The following SNX29 variants were observed in gnomAD, a reference collection of about 807,000 sequenced individuals.
SNX29 encodes sorting nexin-29.
A neutral mutation model predicts 102.1 loss-of-function variants in SNX29; 78 were observed. The ratio of observed to expected loss-of-function variants is 0.76; its 90% CI spans 0.64 to 0.92. SNX29 has a LOEUF of 0.92. SNX29 is among the 40% of genes least tolerant of loss of function. The pLI is 0.00. For missense variants in SNX29, 1,280 were observed against 1,061.7 expected, an observed-to-expected ratio of 1.21 and a Z score of -2.86; for synonymous variants, 580 against 414.5, an observed-to-expected ratio of 1.40 and a Z score of -4.85.
chr16:12,233,502 G>A lies in SNX29; in HGVS notation c.1678+33819G>A, dbSNP rs938033665. Among the ~76,000 whole-genome samples the A allele has an allele frequency of 3.9e-5, 6 of 152,094 alleles. No individual in the cohort carries two copies. In the East Asian group the frequency reaches 1.2e-3, roughly 29 times the overall value. ...GTTGGATACTATGCTTACTGCCTGG[G>A]TGATGGGATCATTTTTACCCCAAAC... On this transcript the variant is annotated intron_variant, in intron 14 of 20. Coordinates refer to ENST00000566228, the MANE Select transcript of SNX29 (RefSeq NM_032167.5).
chr16:12,564,877 C>G (rs556018868), intron 20 of SNX29, among the ~76,000 whole-genome samples: 2 of 149,332 alleles, frequency 1.3e-5, no homozygotes, highest in African/African-American at 4.9e-5. Context: ...GAATTTCACT[C>G]TGAGGATCCT....
intron 15 of SNX29, among the ~76,000 whole-genome samples, chr16:12,305,492 G>A (rs1381387087): frequency 2.0e-5 from 3 of 152,180 alleles, no homozygotes; most frequent in Non-Finnish European, 4.4e-5. Context: ...ACCATCTTCA[G>A]AAGGAGCAGG....
chr16:12,218,882 C>T (rs1457324118), intron 14 of SNX29, among the ~76,000 whole-genome samples: 1 of 152,134 alleles, frequency 6.6e-6, no homozygotes, highest in East Asian at 1.9e-4. Flanking sequence ...TCACGCCATT[C>T]TCCTGCCTCA....
At chr16:12,051,751 A>G (rs2050312229) in intron 7 of SNX29, 96 bp from the exon 8 acceptor site, 12 of 1,499,398 alleles carry the variant, frequency 8.0e-6, no homozygotes, top group African/African-American at 5.6e-5. Context: ...TCTCACTCGA[A>G]TAGTATTTTC....
chr16:12,084,812 T>C (rs949958756), intron 11 of SNX29, among the ~76,000 whole-genome samples: 2 of 152,188 alleles, frequency 1.3e-5, no homozygotes, highest in Middle Eastern at 3.2e-3. Context: ...CGCACACCTG[T>C]AATCCCAGCA....
intron 14 of SNX29, among the ~76,000 whole-genome samples, chr16:12,210,967 G>T (rs2077168623): frequency 6.6e-6 from 1 of 152,140 alleles, no homozygotes; most frequent in South Asian, 2.1e-4. Context: ...CCTGTTTTGA[G>T]GAGTAATTGA....
At chr16:12,537,572 CTTTG>C (rs1379986822) in intron 20 of SNX29, among the ~76,000 whole-genome samples, 4 of 152,156 alleles carry the variant, frequency 2.6e-5, no homozygotes, top group African/African-American at 9.7e-5. Flanking sequence ...GCAATTTTGA[CTTTG>C]TTTTTACTTC....
At chr16:12,430,210 C>T (rs1187557677) in intron 18 of SNX29, among the ~76,000 whole-genome samples, 1 of 152,222 alleles carries the variant, frequency 6.6e-6, no homozygotes, top group African/African-American at 2.4e-5. Context: ...CCCCCCCAGC[C>T]CCAGTCCATG....
chr16:12,561,589 A>G (rs1250779913), intron 20 of SNX29, among the ~76,000 whole-genome samples: 1 of 152,180 alleles, frequency 6.6e-6, no homozygotes, highest in South Asian at 2.1e-4. Context: ...TGTCAGCCGC[A>G]TGCTGGTGAC....
intron 15 of SNX29, among the ~76,000 whole-genome samples, chr16:12,311,904 G>A (rs1268442297): frequency 2.0e-5 from 3 of 152,222 alleles, no homozygotes; most frequent in African/African-American, 7.2e-5. Flanking sequence ...TTGCATAAAA[G>A]TATGAAGTGG....
rs1665464856 is a variant in SNX29, at chr16:12,572,446, T to TG, written c.*3818dup. Reference sequence around the variant, plus strand: ...CGGCAGTGGCTGCCTCTCTTGGTTCTGCATGGTACATTTTGCCAACCCTGA... The same window carrying TG: ...CGGCAGTGGCTGCCTCTCTTGGTTCTGGCATGGTACATTTTGCCAACCCTGA... On this transcript the variant is annotated 3_prime_UTR_variant, in exon 21 of 21. Coordinates refer to ENST00000566228, the MANE Select transcript of SNX29 (RefSeq NM_032167.5). 9.4e-7 allele frequency: 1 copy of TG among 1,063,268 alleles called. No homozygotes were observed. The allele number at this position is 1,063,268 out of a possible 1,614,324, so 65.9% of individuals were successfully genotyped here.
At chr16:12,305,501 G>A (rs2080310955) in intron 15 of SNX29, among the ~76,000 whole-genome samples, 1 of 152,170 alleles carries the variant, frequency 6.6e-6, no homozygotes, top group Non-Finnish European at 1.5e-5. Context: ...AGAAGGAGCA[G>A]GAGTGTGGAG....
intron 18 of SNX29, among the ~76,000 whole-genome samples, chr16:12,437,306 G>A (rs1431739982): frequency 1.3e-5 from 2 of 150,884 alleles, no homozygotes; most frequent in African/African-American, 4.8e-5. Context: ...GTCCTGGCAA[G>A]GTGTCACACA....
At chr16:12,074,495 C>T (rs935088435) in intron 10 of SNX29, among the ~76,000 whole-genome samples, 7 of 152,192 alleles carry the variant, frequency 4.6e-5, no homozygotes, top group African/African-American at 1.7e-4. Context: ...TATTGGCCCC[C>T]ACTCTCTTCT....
Position 12,079,090 on chromosome 16 carries a change from T to G in SNX29, c.1402+175T>G, listed in dbSNP as rs114457660. Among the ~76,000 whole-genome samples, 852 of 152,352 alleles carry G rather than the reference T, an allele frequency of 5.6e-3. 10 individuals are homozygous for G. Among genetic ancestry groups the G allele is most frequent in the African/African-American group, 0.02 (815 of 41,578 alleles). ...TGTGGATATCCAGAACCGTGGTTAA[T>G]GCGTGGCGCTTGGGCGTGTGCGCGC... On this transcript the variant is annotated intron_variant, in intron 11 of 20. Coordinates refer to ENST00000566228, the MANE Select transcript of SNX29 (RefSeq NM_032167.5).
rs1028527056 is a variant in SNX29, at chr16:12,571,845, A to C, written c.*3216A>C. ...TGATTCCCACTTAGCAGTATGCTCC[A>C]ATCACGTTGCTGGCAAGGCATTTTA... On this transcript the variant is annotated 3_prime_UTR_variant, in exon 21 of 21. Transcript: ENST00000566228. 3 of 1,056,122 alleles carry C rather than the reference A, an allele frequency of 2.8e-6. No individual in the cohort carries two copies. The highest frequency in any genetic ancestry group is 3.4e-6 in the Non-Finnish European group (3 of 871,938). The allele number at this position is 1,056,122 out of a possible 1,614,324, so 65.4% of individuals were successfully genotyped here. A position where few individuals can be genotyped will look rare whatever the true frequency, so the allele number is the denominator to read the frequency against.
intron 19 of SNX29, among the ~76,000 whole-genome samples, chr16:12,499,114 G>A (rs986014362): frequency 2.0e-5 from 3 of 152,130 alleles, no homozygotes; most frequent in Admixed American, 2.0e-4. Flanking sequence ...TCCTCCTGCA[G>A]TGGGAAATCG....
chr16:12,467,962 G>A (rs2087138259), intron 18 of SNX29, among the ~76,000 whole-genome samples: 4 of 152,090 alleles, frequency 2.6e-5, no homozygotes, highest in Admixed American at 1.3e-4. Flanking sequence ...CTCCGGCTCT[G>A]TGGCTCCACC....
At chr16:12,040,383 T>C (rs971623033) in intron 4 of SNX29, among the ~76,000 whole-genome samples, 1 of 152,030 alleles carries the variant, frequency 6.6e-6, no homozygotes, top group African/African-American at 2.4e-5. Context: ...AAATAATAAT[T>C]AATTTAAAAT....
Sources: gnomAD v4.1 joint callset for allele counts (sites outside exome capture counted in the v4.1 genomes callset) on GRCh38, gnomAD v4.1.1 for gene constraint, MANE v1.5 for transcripts, NCBI Gene and HGNC (gene_info 2026-07-23, HGNC 2026-07-21) for gene names.